The following RPTOR variants were observed in gnomAD, a reference collection of about 807,000 sequenced individuals.
RPTOR encodes the protein regulatory-associated protein of mTOR.
In RPTOR, 21 loss-of-function variants were observed where a neutral mutation model predicts 169.9. The ratio of observed to expected loss-of-function variants is 0.12; its 90% CI spans 0.09 to 0.18. The LOEUF is 0.18. RPTOR is among the 10% of genes least tolerant of loss of function. The pLI, the probability that RPTOR is intolerant of heterozygous loss-of-function variation, is 1.00. For missense variants in RPTOR, 1,133 were observed against 1,855.9 expected, an observed-to-expected ratio of 0.61 and a Z score of 7.16; for synonymous variants, 732 against 753.2, an observed-to-expected ratio of 0.97 and a Z score of 0.46.
At chr17:80,956,596 T>C (rs78794443) in intron 28 of RPTOR, among the ~76,000 whole-genome samples, 16,503 of 152,320 alleles carry the variant, frequency 0.11, 2,215 homozygotes, top group African/African-American at 0.32. Flanking sequence ...TCTTCAAGCC[T>C]TAACAGCCTT....
Position 80,659,140 on chromosome 17 carries a change from G to A in RPTOR, c.348+15330G>A, listed in dbSNP as rs369058720. On this transcript the variant is annotated intron_variant, in intron 3 of 33. Transcript: ENST00000306801. The surrounding 1 kb of genome is among the most constrained non-coding windows in gnomAD (Gnocchi z 4.3). The stretch of plus-strand genomic sequence containing the variant: ...GTGGTGGCAGCATCACGTCCTGCAG[G>A]CTGGAGCCCATGAGTGGTCCCCGAG... 6.6e-6 allele frequency among the ~76,000 whole-genome samples: 1 copy of A among 152,186 alleles called. No individual in the cohort carries two copies. The highest frequency in any genetic ancestry group is 2.1e-4 in the South Asian group (1 of 4,822).
intron 29 of RPTOR, among the ~76,000 whole-genome samples, chr17:80,958,405 C>CTTTTTTTTTTTTTTT (rs34955105): frequency 1.2e-5 from 1 of 83,666 alleles, no homozygotes; most frequent in African/African-American, 5.3e-5. Flanking sequence ...ATTTTTGTTT[C>CTTTTTTTTTTTTTTT]TTTTTTTTTT....
At chr17:80,761,699 G>A (rs1396823452) in intron 6 of RPTOR, among the ~76,000 whole-genome samples, 1 of 152,144 alleles carries the variant, frequency 6.6e-6, no homozygotes, top group African/African-American at 2.4e-5. Flanking sequence ...TGTTCTCCAA[G>A]GAGTCTTCTA....
intron 26 of RPTOR, among the ~76,000 whole-genome samples, chr17:80,946,961 C>T (rs560992813): frequency 6.6e-6 from 1 of 152,330 alleles, no homozygotes; most frequent in African/African-American, 2.4e-5. Context: ...TTTCCCACAT[C>T]CTTGCCAGCA....
intron 4 of RPTOR, chr17:80,709,147 G>A: frequency 1.1e-6 from 1 of 926,014 alleles, no homozygotes; most frequent in African/African-American, 1.8e-5. Context: ...AGGGCACAGG[G>A]CAGTGCCATC....
At chr17:80,600,728 C>G (rs1180173168) in intron 1 of RPTOR, among the ~76,000 whole-genome samples, 1 of 152,162 alleles carries the variant, frequency 6.6e-6, no homozygotes, top group East Asian at 1.9e-4. Context: ...TAGCAGTAAT[C>G]GGACAGGCCT....
intron 3 of RPTOR, among the ~76,000 whole-genome samples, chr17:80,655,647 G>C (rs907830379): frequency 6.6e-6 from 1 of 151,194 alleles, no homozygotes; most frequent in Non-Finnish European, 1.5e-5. Context: ...TGTGATCATG[G>C]CTCATTAACC....
At chr17:80,716,247 T>C (rs1430243546) in intron 4 of RPTOR, among the ~76,000 whole-genome samples, 2 of 152,202 alleles carry the variant, frequency 1.3e-5, no homozygotes, top group African/African-American at 4.8e-5. Flanking sequence ...TTGATTTTTT[T>C]ATTATGGCCA....
intron 5 of RPTOR, 95 bp from the exon 6 acceptor site, chr17:80,753,915 T>A (rs2066654834): frequency 8.6e-7 from 1 of 1,163,170 alleles, no homozygotes; most frequent in South Asian, 1.4e-5. Context: ...CTGAGTTGAT[T>A]TATTCTTTCC....
chr17:80,688,705 G>A (rs2065967571), intron 3 of RPTOR, among the ~76,000 whole-genome samples: 1 of 152,228 alleles, frequency 6.6e-6, no homozygotes, highest in Admixed American at 6.5e-5. Flanking sequence ...AGCTGTAGAG[G>A]CAGCCAGTGT....
In RPTOR at chr17:80,626,667, G is replaced by A. The variant is rs186702260; in HGVS notation, c.265+874G>A. 3.0e-3 allele frequency among the ~76,000 whole-genome samples: 452 copies of A among 150,698 alleles called. 2 individuals carry two copies. Among genetic ancestry groups the A allele is most frequent in the African/African-American group, 0.01 (414 of 41,076 alleles). On this transcript the variant is annotated intron_variant, in intron 2 of 33. Transcript: ENST00000306801. ...CATAGAGATTAGTAATTTGCTCACG[G>A]TTGTCCTGTAGAGCTGGAATTTGAA...
At chr17:80,643,975 C>T (rs2065573032) in intron 3 of RPTOR, among the ~76,000 whole-genome samples, 165 bp downstream of exon 3, 1 of 152,256 alleles carries the variant, frequency 6.6e-6, no homozygotes, top group African/African-American at 2.4e-5. Flanking sequence ...TGCCTGCTGG[C>T]TATTGGTGGC....
chr17:80,958,565 C>T (rs1007287396), intron 29 of RPTOR, among the ~76,000 whole-genome samples: 10 of 151,930 alleles, frequency 6.6e-5, no homozygotes, highest in Admixed American at 4.6e-4. Context: ...CGCCCACCAC[C>T]ACGCCCAGCT....
Position 80,754,266 on chromosome 17 carries a change from A to C in RPTOR, c.830+81A>C. 1 of 1,397,376 alleles carries C rather than the reference A, an allele frequency of 7.2e-7. No individual in the cohort carries two copies. The highest frequency in any genetic ancestry group is 9.6e-7 in the Non-Finnish European group (1 of 1,036,280). The allele number at this position is 1,397,376 out of a possible 1,614,324, so 86.6% of individuals were successfully genotyped here. A position where few individuals can be genotyped will look rare whatever the true frequency, so the allele number is the denominator to read the frequency against. On this transcript the variant is annotated intron_variant, in intron 6 of 33. Coordinates refer to ENST00000306801, the MANE Select transcript of RPTOR (RefSeq NM_020761.3). This position sits in a 1 kb window ranked among gnomAD's most constrained non-coding sequence, Gnocchi z 4.2. ...ACCCCAACCCATGTGGGCCCCAGGC[A>C]TTCACCTGGTCCCAGGAGCCCACGT... is the stretch of plus-strand genomic sequence containing the variant.
In RPTOR at chr17:80,609,887, A is replaced by T. The variant is rs2065257917; in HGVS notation, c.163-15804A>T. On this transcript the variant is annotated intron_variant, in intron 1 of 33. Transcript: ENST00000306801. The surrounding 1 kb of genome is among the most constrained non-coding windows in gnomAD (Gnocchi z 4.8). ...TGGAAAATGGTAGCTTACAACTGAC[A>T]TTTAGCCAATTGAAAAGTGTAGGCC... is the stretch of plus-strand genomic sequence containing the variant. 6.6e-6 allele frequency among the ~76,000 whole-genome samples: 1 copy of T among 152,058 alleles called. No homozygotes were observed. Among genetic ancestry groups the T allele is most frequent in the African/African-American group, 2.4e-5 (1 of 41,386 alleles).
rs76334049 is a variant in RPTOR at position 80,820,455 on chromosome 17, G to T, written c.891-1746G>T. 0.13 allele frequency among the ~76,000 whole-genome samples: 19,026 copies of T among 152,168 alleles called. 1,343 individuals are homozygous for T. Among genetic ancestry groups the T allele is most frequent in the African/African-American group, 0.19 (7,710 of 41,490 alleles). ...GGCAGCCACCCCTGTTCGCGCTGGC[G>T]CTTGAGGGCTGAGATGAGCAACCTG... On this transcript the variant is annotated intron_variant, in intron 7 of 33. Transcript: ENST00000306801. The surrounding 1 kb of genome is among the most constrained non-coding windows in gnomAD (Gnocchi z 4.1).
Position 80,573,990 on chromosome 17 carries a change from A to G in RPTOR, c.162+28199A>G, listed in dbSNP as rs2064934327. Among the ~76,000 whole-genome samples the G allele has an allele frequency of 3.9e-5, 6 of 152,194 alleles. No individual in the cohort carries two copies. The South Asian group carries it at 1.2e-3, about 31-fold the overall frequency. ...TGGGTCGGGGGAAGTTTTGGGCTTC[A>G]TGTCAATTCTTGAGTTCCCGAGAGT... On this transcript the variant is annotated intron_variant, in intron 1 of 33. Coordinates refer to ENST00000306801, the MANE Select transcript of RPTOR (RefSeq NM_020761.3).
At chr17:80,655,518 A>G (rs1047946287) in intron 3 of RPTOR, among the ~76,000 whole-genome samples, 1 of 151,122 alleles carries the variant, frequency 6.6e-6, no homozygotes, top group Non-Finnish European at 1.5e-5. Context: ...TCCTCTTGCC[A>G]TATCCTTTTG....
chr17:80,673,084 G>A (rs1445517099), intron 3 of RPTOR, among the ~76,000 whole-genome samples: 4 of 152,048 alleles, frequency 2.6e-5, no homozygotes, highest in Admixed American at 2.0e-4. Flanking sequence ...GTGCCACCAC[G>A]CTTGGCCAAT....
Sources: allele counts gnomAD v4.1 joint callset (sites outside exome capture counted in the v4.1 genomes callset), GRCh38; gene constraint gnomAD v4.1.1; non-coding constraint Gnocchi (gnomAD v3.1); transcripts MANE v1.5; gene names NCBI Gene and HGNC (gene_info 2026-07-23, HGNC 2026-07-21).